The following CCSER1 variants were observed in gnomAD, a reference collection of about 807,000 sequenced individuals.
CCSER1 encodes the protein coiled-coil serine rich protein 1, also known as serine-rich coiled-coil domain-containing protein 1.
Under a neutral mutation model 82.0 loss-of-function variants are expected in CCSER1, and 41 were observed. That is an observed-to-expected ratio of 0.50 (90% CI 0.39 to 0.65). CCSER1 has a LOEUF of 0.65. Among genes scored for constraint, CCSER1 ranks in the 30% least tolerant of loss-of-function variants. CCSER1 has a pLI of 0.00. For missense variants in CCSER1, 1,119 were observed against 1,064.2 expected, an observed-to-expected ratio of 1.05 and a Z score of -0.72; for synonymous variants, 414 against 383.9, an observed-to-expected ratio of 1.08 and a Z score of -0.92.
intron 4 of CCSER1, among the ~76,000 whole-genome samples, chr4:90,460,434 A>T (rs2153583225): frequency 6.6e-6 from 1 of 152,076 alleles, no homozygotes; most frequent in African/African-American, 2.4e-5. Context: ...CATCTGTCAT[A>T]AAATGAAAGG....
intron 6 of CCSER1, among the ~76,000 whole-genome samples, chr4:90,717,638 G>A (rs17183896): frequency 0.2 from 31,027 of 151,786 alleles, 3,508 homozygotes; most frequent in Middle Eastern, 0.27. Context: ...AGGAGTCCAG[G>A]CCTCTTGGCT....
At chr4:90,569,333 C>T (rs1022632593) in intron 5 of CCSER1, among the ~76,000 whole-genome samples, 1 of 152,078 alleles carries the variant, frequency 6.6e-6, no homozygotes. Context: ...TGGCCTGAAG[C>T]TCTGGACTGA....
intron 9 of CCSER1, among the ~76,000 whole-genome samples, chr4:91,081,188 C>T (rs1043913480): frequency 2.0e-5 from 3 of 152,136 alleles, no homozygotes; most frequent in African/African-American, 4.8e-5. Context: ...AATTAGGCAG[C>T]AAATCAAAAA....
intron 9 of CCSER1, among the ~76,000 whole-genome samples, chr4:91,016,026 G>C (rs1010990886): frequency 6.6e-6 from 1 of 151,890 alleles, no homozygotes; most frequent in East Asian, 1.9e-4. Context: ...ACTTATTACT[G>C]AACAGATTTC....
At chr4:90,641,060 G>T (rs1450823865) in intron 6 of CCSER1, among the ~76,000 whole-genome samples, 2 of 151,984 alleles carry the variant, frequency 1.3e-5, no homozygotes, top group Non-Finnish European at 2.9e-5. Context: ...AAGTGTAATG[G>T]TGCATGTTCA....
rs193302770 is a variant in CCSER1, at chr4:90,189,733, A to G, written c.-42+61902A>G. Among the ~76,000 whole-genome samples the G allele has an allele frequency of 2.9e-4, 44 of 152,118 alleles. 1 individual carries two copies. In the East Asian group the frequency reaches 7.6e-3, roughly 26 times the overall value. ...ACTTTTGCAGTTGAATAGCCAACACATGGAGCTCTTAAACGTTTAGTTTCT... is the reference window on the plus strand; with the variant it reads ...ACTTTTGCAGTTGAATAGCCAACACGTGGAGCTCTTAAACGTTTAGTTTCT... On this transcript the variant is annotated intron_variant, in intron 1 of 10. Coordinates refer to ENST00000509176, the MANE Select transcript of CCSER1 (RefSeq NM_001145065.2).
At chr4:90,559,972 A>G (rs6819774) in intron 5 of CCSER1, among the ~76,000 whole-genome samples, 532 of 151,800 alleles carry the variant, frequency 3.5e-3, no homozygotes, top group African/African-American at 0.012. Flanking sequence ...AGGAAAAACT[A>G]CAACAACAAC....
chr4:91,434,425 A>T (rs1578441305), intron 10 of CCSER1, among the ~76,000 whole-genome samples: 1 of 152,154 alleles, frequency 6.6e-6, no homozygotes, highest in Admixed American at 6.5e-5. Context: ...TTGTTTTTTT[A>T]AAAAACAGAT....
intron 1 of CCSER1, among the ~76,000 whole-genome samples, chr4:90,286,880 T>C (rs1729997568): frequency 6.6e-6 from 1 of 151,998 alleles, no homozygotes; most frequent in Non-Finnish European, 1.5e-5. Context: ...TTTCTTAAAC[T>C]GCTACAAAGA....
At chr4:91,590,158 C>T (rs1029819467) in intron 10 of CCSER1, among the ~76,000 whole-genome samples, 1 of 152,004 alleles carries the variant, frequency 6.6e-6, no homozygotes, top group Non-Finnish European at 1.5e-5. Context: ...TGTCTTCTAA[C>T]CCTGTTTGTG....
intron 10 of CCSER1, among the ~76,000 whole-genome samples, chr4:91,106,150 A>T (rs1725592628): frequency 6.6e-6 from 1 of 152,228 alleles, no homozygotes; most frequent in Admixed American, 6.5e-5. Context: ...ATAAAAAATG[A>T]GTTAGCATTT....
At chr4:90,394,612 A>G (rs1578254252) in intron 3 of CCSER1, among the ~76,000 whole-genome samples, 1 of 152,210 alleles carries the variant, frequency 6.6e-6, no homozygotes, top group South Asian at 2.1e-4. Context: ...CACGTATTAC[A>G]TAACATTTTT....
chr4:91,249,953 A>AC lies in CCSER1; in HGVS notation c.2217+163959_2217+163960insC, dbSNP rs1381562478. Reference sequence around the variant, plus strand: ...AAAAGATTGTAGTCCTGAATAATAAAAAAAAAAAACAGCTTTCTCAGAATG... The same window carrying AC: ...AAAAGATTGTAGTCCTGAATAATAAACAAAAAAAAACAGCTTTCTCAGAATG... On this transcript the variant is annotated intron_variant, in intron 10 of 10. Coordinates refer to ENST00000509176, the MANE Select transcript of CCSER1 (RefSeq NM_001145065.2). Among the ~76,000 whole-genome samples the AC allele has an allele frequency of 4.9e-5, 7 of 142,010 alleles. No individual in the cohort carries two copies. In the East Asian group the frequency reaches 6.7e-4, roughly 14 times the overall value. 93.2% of individuals were successfully genotyped at this position (142,010 alleles called of 152,430 possible).
intron 8 of CCSER1, among the ~76,000 whole-genome samples, chr4:90,900,488 A>G (rs899297702): frequency 6.6e-6 from 1 of 151,788 alleles, no homozygotes; most frequent in South Asian, 2.1e-4. Context: ...AAGTGTTTGT[A>G]TGTTGTGTCT....
At chr4:90,397,249 T>G (rs368181302) in intron 3 of CCSER1, among the ~76,000 whole-genome samples, 7 of 152,294 alleles carry the variant, frequency 4.6e-5, no homozygotes, top group African/African-American at 1.4e-4. Context: ...AAGTGTTACC[T>G]GCAAAAGGAA....
At chr4:91,210,274 A>T (rs1736705588) in intron 10 of CCSER1, among the ~76,000 whole-genome samples, 1 of 150,546 alleles carries the variant, frequency 6.6e-6, no homozygotes, top group Non-Finnish European at 1.5e-5. Context: ...AACATTATTT[A>T]TATATATAAC....
At position 90,760,377 on chromosome 4, in the gene CCSER1, A is replaced by G. The variant is rs546421351; in HGVS notation, c.2010+36386A>G. ...AATTTGTATTTTCCTGTCATATAAAATCTGAAGTCTTCTTCAGTAATGTTA... is the reference window on the plus strand; with the variant it reads ...AATTTGTATTTTCCTGTCATATAAAGTCTGAAGTCTTCTTCAGTAATGTTA... On this transcript the variant is annotated intron_variant, in intron 7 of 10. Transcript: ENST00000509176. Among the ~76,000 whole-genome samples the G allele has an allele frequency of 2.0e-5, 3 of 152,130 alleles. No individual in the cohort carries two copies. In the South Asian group the frequency reaches 6.2e-4, roughly 32 times the overall value.
chr4:91,213,153 G>C lies in CCSER1; in HGVS notation c.2217+127159G>C, dbSNP rs559561274. The stretch of plus-strand genomic sequence containing the variant: ...CTAATCCACTGTTTATGGGCACCTT[G>C]GTTGATTCCATGTCTTTGAATGGAA... On this transcript the variant is annotated intron_variant, in intron 10 of 10. Coordinates refer to ENST00000509176, the MANE Select transcript of CCSER1 (RefSeq NM_001145065.2). Among the ~76,000 whole-genome samples the C allele has an allele frequency of 5.3e-5, 8 of 151,994 alleles. No homozygotes were observed. The East Asian group carries it at 1.5e-3, about 29-fold the overall frequency.
At chr4:90,660,843 T>A (rs1160723142) in intron 6 of CCSER1, among the ~76,000 whole-genome samples, 1 of 152,194 alleles carries the variant, frequency 6.6e-6, no homozygotes, top group Admixed American at 6.5e-5. Flanking sequence ...ATTTGATGGA[T>A]TTCGCAATCT....
Sources: gnomAD v4.1 joint callset for allele counts (sites outside exome capture counted in the v4.1 genomes callset) on GRCh38, gnomAD v4.1.1 for gene constraint, MANE v1.5 for transcripts, NCBI Gene and HGNC (gene_info 2026-07-23, HGNC 2026-07-21) for gene names.